SGMS1: variants seen among roughly 807,000 people sequenced by gnomAD.
SGMS1 encodes the protein sphingomyelin synthase 1.
In SGMS1, 13 loss-of-function variants were observed where a neutral mutation model predicts 46.2. The observed-to-expected ratio is 0.28, with a 90% CI of 0.18 to 0.45. SGMS1 has a LOEUF of 0.45. SGMS1 is among the 20% of genes least tolerant of loss of function. The pLI is 1.00. For synonymous variants in SGMS1, 203 were observed against 187.8 expected, an observed-to-expected ratio of 1.08 and a Z score of -0.66; for missense variants, 324 against 519.9, an observed-to-expected ratio of 0.62 and a Z score of 3.66.
chr10:50,595,667 C>T (rs1838584773), intron 1 of SGMS1, among the ~76,000 whole-genome samples: 2 of 152,142 alleles, frequency 1.3e-5, no homozygotes, highest in Admixed American at 6.5e-5. Flanking sequence ...CACAGTGGGC[C>T]TTTTAGACAA....
intron 5 of SGMS1, among the ~76,000 whole-genome samples, chr10:50,452,358 G>A (rs1366214192): frequency 6.6e-6 from 1 of 152,114 alleles, no homozygotes; most frequent in Non-Finnish European, 1.5e-5. Context: ...CTGTACCTAA[G>A]TTTTTAATAA....
At chr10:50,487,018 G>A (rs1432515563) in intron 3 of SGMS1, among the ~76,000 whole-genome samples, 1 of 152,206 alleles carries the variant, frequency 6.6e-6, no homozygotes, top group African/African-American at 2.4e-5. Flanking sequence ...GGACATGGAT[G>A]GAGTTGGAGG....
intron 7 of SGMS1, among the ~76,000 whole-genome samples, chr10:50,333,337 T>C (rs17777710): frequency 0.1 from 15,395 of 152,256 alleles, 886 homozygotes; most frequent in Middle Eastern, 0.16. Flanking sequence ...CCTTTTCTAC[T>C]TCTTTCTACA....
chr10:50,623,182 T>A (rs1324351056), intron 1 of SGMS1, among the ~76,000 whole-genome samples: 5 of 151,764 alleles, frequency 3.3e-5, no homozygotes, highest in African/African-American at 1.2e-4. Flanking sequence ...GGTGGGGGGA[T>A]CCCGAAATAG....
At chr10:50,353,627 T>C (rs1420406604) in intron 6 of SGMS1, among the ~76,000 whole-genome samples, 4 of 152,284 alleles carry the variant, frequency 2.6e-5, no homozygotes, top group Non-Finnish European at 2.9e-5. Context: ...GGTATTCAAT[T>C]AGGAAAAGAG....
rs185288577 is a variant in SGMS1 at position 50,585,557 on chromosome 10, T to C, written c.-589+4596A>G. ...CTTTTTATTCTAAAAGCAGCTATGCTGAGAATAAGCCCCATGTGGTTGGTG... is the reference window on the plus strand; with the variant it reads ...CTTTTTATTCTAAAAGCAGCTATGCCGAGAATAAGCCCCATGTGGTTGGTG... On this transcript the variant is annotated intron_variant, in intron 2 of 10. Transcript: ENST00000361781. 3.6e-3 allele frequency among the ~76,000 whole-genome samples: 544 copies of C among 152,372 alleles called. 4 individuals are homozygous for C. The highest frequency in any genetic ancestry group is 6.8e-3 in the Middle Eastern group (2 of 294).
chr10:50,562,418 T>TACCACAATCACCTTCCCCCC (rs1453369839), intron 2 of SGMS1, among the ~76,000 whole-genome samples: 1 of 151,420 alleles, frequency 6.6e-6, no homozygotes, highest in Non-Finnish European at 1.5e-5. Context: ...ACGCACCCAC[T>TACCACAATCACCTTCCCCCC]ACCACAATCA....
chr10:50,597,095 A>AG (rs1185560613), intron 1 of SGMS1, among the ~76,000 whole-genome samples: 2 of 152,240 alleles, frequency 1.3e-5, no homozygotes, highest in African/African-American at 2.4e-5. Flanking sequence ...ATGCTGCGGT[A>AG]GGTGAGCAAC....
At chr10:50,551,232 C>T (rs149854843) in intron 2 of SGMS1, among the ~76,000 whole-genome samples, 2 of 151,830 alleles carry the variant, frequency 1.3e-5, no homozygotes, top group Non-Finnish European at 2.9e-5. Context: ...AGATATAATA[C>T]GATGAAAATG....
rs1329244340 is a variant in SGMS1, at chr10:50,524,521, G to C, written c.-588-4600C>G. Among the ~76,000 whole-genome samples the C allele has an allele frequency of 3.9e-5, 6 of 152,138 alleles. 1 individual carries two copies. The highest frequency in any genetic ancestry group is 1.4e-4 in the African/African-American group (6 of 41,422). On this transcript the variant is annotated intron_variant, in intron 2 of 10. Transcript: ENST00000361781. ...CATTCAAAGCTGGGTTAGTGCCCCA[G>C]CCCTATGCTCACCTTTATAATAAAT... is the stretch of plus-strand genomic sequence containing the variant.
At chr10:50,517,295 G>A (rs1837814803) in intron 3 of SGMS1, among the ~76,000 whole-genome samples, 1 of 152,098 alleles carries the variant, frequency 6.6e-6, no homozygotes, top group Non-Finnish European at 1.5e-5. Context: ...GTTTAATGAT[G>A]AGGCCAAAAA....
chr10:50,624,972 C>A, upstream of SGMS1: 1 of 1,040,260 alleles, frequency 9.6e-7, no homozygotes, highest in Non-Finnish European at 1.2e-6. Context: ...GGCCATCGGG[C>A]CGCGGGCGCT....
intron 1 of SGMS1, among the ~76,000 whole-genome samples, chr10:50,622,814 G>T (rs1339733118): frequency 2.0e-5 from 3 of 152,246 alleles, no homozygotes; most frequent in African/African-American, 7.2e-5. Flanking sequence ...TCCGTTAGCT[G>T]GACTAGGGCA....
At chr10:50,607,234 C>T (rs568415718) in intron 1 of SGMS1, among the ~76,000 whole-genome samples, 2 of 150,948 alleles carry the variant, frequency 1.3e-5, no homozygotes, top group African/African-American at 2.4e-5. Flanking sequence ...CCACCCACCT[C>T]GGCCTCCCAA....
chr10:50,333,072 A>G (rs1847653678), intron 7 of SGMS1, among the ~76,000 whole-genome samples: 1 of 152,082 alleles, frequency 6.6e-6, no homozygotes, highest in African/African-American at 2.4e-5. Flanking sequence ...GGACAGAGCC[A>G]CTTCATCCTC....
intron 5 of SGMS1, among the ~76,000 whole-genome samples, chr10:50,436,696 C>T (rs1435944744): frequency 1.3e-5 from 2 of 152,180 alleles, no homozygotes; most frequent in East Asian, 3.8e-4. Flanking sequence ...AAAGCTGAGC[C>T]TGCTACCCCT....
chr10:50,324,451 C>G (rs1847498267), intron 8 of SGMS1, among the ~76,000 whole-genome samples: 2 of 152,176 alleles, frequency 1.3e-5, no homozygotes, highest in Admixed American at 6.5e-5. Flanking sequence ...CCTCTCACTT[C>G]TGATTCCCTT....
intron 2 of SGMS1, among the ~76,000 whole-genome samples, chr10:50,559,835 G>A (rs1564432000): frequency 6.6e-6 from 1 of 151,886 alleles, no homozygotes; most frequent in Admixed American, 6.6e-5. Flanking sequence ...TTCCCTTCTA[G>A]GTAAAATTAT....
intron 3 of SGMS1, among the ~76,000 whole-genome samples, chr10:50,514,520 CA>C (rs1190325722): frequency 6.6e-6 from 1 of 152,136 alleles, no homozygotes; most frequent in Non-Finnish European, 1.5e-5. Flanking sequence ...CTCCCTATCT[CA>C]AGATCCTGAG....
Sources: gnomAD v4.1 joint callset for allele counts (sites outside exome capture counted in the v4.1 genomes callset) on GRCh38, gnomAD v4.1.1 for gene constraint, MANE v1.5 for transcripts, NCBI Gene and HGNC (gene_info 2026-07-23, HGNC 2026-07-21) for gene names.